SLC13A1: variants seen among roughly 807,000 people sequenced by gnomAD.
SLC13A1 encodes the protein solute carrier family 13 member 1.
SLC13A1 carries 65 observed loss-of-function variants against 70.0 expected under a neutral mutation model. That is an observed-to-expected ratio of 0.93 (90% CI 0.76 to 1.14). The LOEUF is 1.14. Ranked by LOEUF, SLC13A1 falls within the 50% of genes most tolerant of loss-of-function variation. The pLI is 0.00. For missense variants in SLC13A1, 726 were observed against 717.8 expected (o/e 1.01, Z -0.13); for synonymous variants, 275 against 250.5 (o/e 1.10, Z -0.92).
In SLC13A1 at chr7:123,194,425, G is replaced by A. The variant is rs113757362; in HGVS notation, c.99+5423C>T. On this transcript the variant is annotated intron_variant, in intron 1 of 14. Transcript: ENST00000194130. The stretch of plus-strand genomic sequence containing the variant: ...GGGACTGTGTGGTGGAGGCTTTTAG[G>A]ACAAATAAATGAAAAGTCAGAAATA... Among the ~76,000 whole-genome samples the A allele has an allele frequency of 3.4e-3, 511 of 152,192 alleles. 5 individuals carry two copies. The highest frequency in any genetic ancestry group is 0.011 in the African/African-American group (455 of 41,546).
intron 13 of SLC13A1, 29 bp downstream of exon 13, chr7:123,119,052 A>C: frequency 6.3e-7 from 1 of 1,588,780 alleles, no homozygotes; most frequent in South Asian, 1.1e-5. Context: ...CTTAATGAAG[A>C]GTAAAAAGGG....
chr7:123,158,249 T>C (rs1794778469), intron 6 of SLC13A1, among the ~76,000 whole-genome samples: 1 of 151,984 alleles, frequency 6.6e-6, no homozygotes, highest in Non-Finnish European at 1.5e-5. Flanking sequence ...TACATATGAT[T>C]AATAAAATTA....
chr7:123,129,351 T>C, intron 9 of SLC13A1, 32 bp downstream of exon 9: 4 of 1,102,882 alleles, frequency 3.6e-6, no homozygotes, highest in Non-Finnish European at 5.3e-6. Flanking sequence ...TGTGTGTGTG[T>C]GTGTGTGTGT....
chr7:123,147,531 T>C (rs1373558163), intron 6 of SLC13A1, among the ~76,000 whole-genome samples: 1 of 143,900 alleles, frequency 6.9e-6, no homozygotes, highest in Non-Finnish European at 1.5e-5. Flanking sequence ...ATGAGAGAGC[T>C]TGATTCCTCT....
At chr7:123,126,581 C>T (rs546369612) in intron 10 of SLC13A1, among the ~76,000 whole-genome samples, 14 of 152,062 alleles carry the variant, frequency 9.2e-5, no homozygotes, top group South Asian at 4.1e-4. Flanking sequence ...TATACACTAC[C>T]GAAGCTTCTC....
chr7:123,179,824 T>A lies in SLC13A1; in HGVS notation c.228+1149A>T, dbSNP rs77497883. On this transcript the variant is annotated intron_variant, in intron 2 of 14. Transcript: ENST00000194130. ...AAGGTATAACTGTTAAAAACACACC[T>A]GTCTCTGGACACAGAACCATCCAAG... Among the ~76,000 whole-genome samples the A allele has an allele frequency of 4.1e-4, 62 of 152,238 alleles. No homozygotes were observed. In the East Asian group the frequency reaches 4.6e-3, roughly 11 times the overall value.
At chr7:123,177,134 C>T (rs546024338) in intron 2 of SLC13A1, among the ~76,000 whole-genome samples, 1 of 152,206 alleles carries the variant, frequency 6.6e-6, no homozygotes, top group South Asian at 2.1e-4. Context: ...CTAGAGTAAG[C>T]CTGCACTTCC....
At chr7:123,184,762 G>T (rs1795747240) in intron 1 of SLC13A1, among the ~76,000 whole-genome samples, 1 of 151,962 alleles carries the variant, frequency 6.6e-6, no homozygotes, top group Non-Finnish European at 1.5e-5. Context: ...TGGCTATTGT[G>T]ACTAGTGCAG....
At chr7:123,128,789 G>T in intron 10 of SLC13A1, 56 bp downstream of exon 10, 1 of 1,091,884 alleles carries the variant, frequency 9.2e-7, no homozygotes, top group East Asian at 2.4e-5. Flanking sequence ...AACCACACAG[G>T]AGAGAAGCAG....
intron 6 of SLC13A1, among the ~76,000 whole-genome samples, chr7:123,156,028 A>C (rs1794700662): frequency 6.6e-6 from 1 of 152,134 alleles, no homozygotes; most frequent in African/African-American, 2.4e-5. Context: ...GGAAGAAAGT[A>C]GAAGATTTAA....
chr7:123,158,093 A>AG (rs1261139084), intron 6 of SLC13A1, among the ~76,000 whole-genome samples: 5 of 152,108 alleles, frequency 3.3e-5, no homozygotes, highest in Admixed American at 2.6e-4. Context: ...ACTAAAAAAA[A>AG]ATTTCAATGT....
chr7:123,189,893 T>A (rs1795940638), intron 1 of SLC13A1, among the ~76,000 whole-genome samples: 1 of 152,106 alleles, frequency 6.6e-6, no homozygotes, highest in Non-Finnish European at 1.5e-5. Flanking sequence ...AATTAAGTTG[T>A]TTGTACTTAC....
chr7:123,169,251 A>G lies in SLC13A1; in HGVS notation c.450T>C (p.Ile150=), dbSNP rs1795180557. The part of the protein sequence containing the change: ...NTSTAAMVMP[I]AEAVVQQIIN... ...TGATCTGCTGCACTACAGCCTCCGC[A>G]ATGGGCATCACCATGGCAGCCGTCG... The change falls in exon 4 of 15, where the codon ATT becomes ATC. Residue 150 remains isoleucine, a synonymous_variant. Coordinates refer to ENST00000194130, the MANE Select transcript of SLC13A1 (RefSeq NM_022444.4). The G allele has an allele frequency of 6.2e-7, 1 of 1,613,996 alleles. No homozygotes were observed. Among genetic ancestry groups the G allele is most frequent in the Admixed American group, 1.7e-5 (1 of 59,992 alleles).
chr7:123,190,602 A>T, intron 1 of SLC13A1: 1 of 456,716 alleles, frequency 2.2e-6, no homozygotes, highest in Non-Finnish European at 4.4e-6. Flanking sequence ...ATCTTGGAAA[A>T]GTCAGAATAA....
chr7:123,144,033 T>C (rs905309520), intron 7 of SLC13A1, among the ~76,000 whole-genome samples: 1 of 152,128 alleles, frequency 6.6e-6, no homozygotes, highest in Admixed American at 6.6e-5. Context: ...ATATTTGGAA[T>C]AAAACCTAGG....
chr7:123,138,772 T>C (rs1794036654), intron 7 of SLC13A1, among the ~76,000 whole-genome samples: 1 of 152,200 alleles, frequency 6.6e-6, no homozygotes, highest in African/African-American at 2.4e-5. Flanking sequence ...ATTAGATTTT[T>C]CCATATAGAG....
chr7:123,120,915 A>G (rs140379930), intron 12 of SLC13A1, among the ~76,000 whole-genome samples: 46 of 152,180 alleles, frequency 3.0e-4, no homozygotes, highest in African/African-American at 1.1e-3. Flanking sequence ...TCATCCCCAC[A>G]GTTCCAAAAT....
At chr7:123,189,133 G>A (rs10266605) in intron 1 of SLC13A1, among the ~76,000 whole-genome samples, 57,945 of 119,568 alleles carry the variant, frequency 0.48, 13,659 homozygotes, top group African/African-American at 0.6. Context: ...AAAAAAAAAA[G>A]AAAGAAAATC....
intron 6 of SLC13A1, among the ~76,000 whole-genome samples, chr7:123,156,536 C>T (rs1794723010): frequency 6.6e-6 from 1 of 152,078 alleles, no homozygotes; most frequent in Non-Finnish European, 1.5e-5. Flanking sequence ...CAGTGGGAAC[C>T]TGTCCTTTTG....
Sources: gnomAD v4.1 joint callset for allele counts (sites outside exome capture counted in the v4.1 genomes callset) on GRCh38, gnomAD v4.1.1 for gene constraint, MANE v1.5 for transcripts, NCBI Gene and HGNC (gene_info 2026-07-23, HGNC 2026-07-21) for gene names.